Variants in ST6GALNAC5 observed in about 807,000 individuals in gnomAD.
ST6GALNAC5 encodes ST6 N-acetylgalactosaminide alpha-2,6-sialyltransferase 5, also known as alpha-N-acetylgalactosaminide alpha-2,6-sialyltransferase 5.
A neutral mutation model predicts 33.6 loss-of-function variants in ST6GALNAC5; 27 were observed. The ratio of observed to expected loss-of-function variants is 0.80; its 90% CI spans 0.59 to 1.11. The LOEUF is 1.11. ST6GALNAC5 is among the 50% of genes least tolerant of loss of function. The pLI, the probability that ST6GALNAC5 is intolerant of heterozygous loss-of-function variation, is 0.00. For synonymous variants in ST6GALNAC5, 194 were observed against 171.2 expected (o/e 1.13, Z -1.04); for missense variants, 428 against 454.0 (o/e 0.94, Z 0.52).
In ST6GALNAC5 at chr1:76,868,746, A is replaced by T. The variant is rs1434741415; in HGVS notation, c.261+4A>T. ...CCTCGGAGTGGCGGACCACAAGGTG[A>T]CAGCATGCCCGCCAGCCCGCTCGCC... On this transcript the variant is annotated splice_donor_region_variant and intron_variant, in intron 2 of 4. Coordinates refer to ENST00000477717, the MANE Select transcript of ST6GALNAC5 (RefSeq NM_030965.3). This position sits in a 1 kb window ranked among gnomAD's most constrained non-coding sequence, Gnocchi z 4.3. 8.1e-5 allele frequency: 120 copies of T among 1,490,344 alleles called. No individual in the cohort carries two copies. Among genetic ancestry groups the T allele is most frequent in the Non-Finnish European group, 1.0e-4 (114 of 1,123,674 alleles). 92.3% of individuals were successfully genotyped at this position (1,490,344 alleles called of 1,614,324 possible). A position where few individuals can be genotyped will look rare whatever the true frequency, so the allele number is the denominator to read the frequency against.
At chr1:76,920,154 G>C (rs1275165341) in intron 2 of ST6GALNAC5, among the ~76,000 whole-genome samples, 1 of 152,136 alleles carries the variant, frequency 6.6e-6, no homozygotes, top group African/African-American at 2.4e-5. Flanking sequence ...TTCATGTCCA[G>C]GGAAGGAAAG....
intron 2 of ST6GALNAC5, among the ~76,000 whole-genome samples, chr1:76,943,772 G>A (rs942964850): frequency 2.0e-5 from 3 of 151,618 alleles, no homozygotes; most frequent in African/African-American, 7.3e-5. Flanking sequence ...TTTTCCTTAT[G>A]TCTCAATGCA....
At chr1:77,003,463 T>A (rs1417271602) in intron 2 of ST6GALNAC5, among the ~76,000 whole-genome samples, 2 of 150,610 alleles carry the variant, frequency 1.3e-5, no homozygotes, top group Non-Finnish European at 3.0e-5. Context: ...AGTCTGTGTC[T>A]TTTAATTGGA....
intron 2 of ST6GALNAC5, among the ~76,000 whole-genome samples, chr1:77,037,679 G>A (rs990101894): frequency 8.5e-5 from 13 of 152,058 alleles, no homozygotes; most frequent in African/African-American, 2.9e-4. Context: ...ACATATTAAA[G>A]GGGACCCTAG....
intron 2 of ST6GALNAC5, among the ~76,000 whole-genome samples, chr1:76,881,407 A>G (rs1268951010): frequency 6.6e-6 from 1 of 152,232 alleles, no homozygotes; most frequent in East Asian, 1.9e-4. Context: ...ATCTGCAGTG[A>G]AACCTTCCCT....
In ST6GALNAC5 at chr1:76,878,402, AT is replaced by A. The variant is rs1205450382; in HGVS notation, c.261+9662del. Among the ~76,000 whole-genome samples the A allele has an allele frequency of 5.3e-5, 8 of 152,266 alleles. No homozygotes were observed. In the East Asian group the frequency reaches 5.8e-4, roughly 11 times the overall value. On this transcript the variant is annotated intron_variant, in intron 2 of 4. Coordinates refer to ENST00000477717, the MANE Select transcript of ST6GALNAC5 (RefSeq NM_030965.3). Reference sequence around the variant, plus strand: ...TAAGTCAGACCTGAGCTAAAACTCCATTAATTACCTGACCTCCATAAGCCCC... The same window carrying A: ...TAAGTCAGACCTGAGCTAAAACTCCATAATTACCTGACCTCCATAAGCCCC...
intron 2 of ST6GALNAC5, among the ~76,000 whole-genome samples, chr1:76,886,002 AG>A (rs1557709721): frequency 6.6e-6 from 1 of 152,202 alleles, no homozygotes; most frequent in Non-Finnish European, 1.5e-5. Context: ...CTTCATGGGC[AG>A]TGGGGCAGTC....
At position 76,882,436 on chromosome 1, in the gene ST6GALNAC5, C is replaced by A. The variant is rs551221479; in HGVS notation, c.261+13694C>A. Among the ~76,000 whole-genome samples the A allele has an allele frequency of 1.1e-3, 174 of 152,248 alleles. 1 individual carries two copies. Among genetic ancestry groups the A allele is most frequent in the African/African-American group, 4.2e-3 (173 of 41,540 alleles). ...TTCTGCAAATATCATTGACTCCCCC[C>A]AAATTCTGAGATGTAATACTTACTC... On this transcript the variant is annotated intron_variant, in intron 2 of 4. Transcript: ENST00000477717.
Position 76,868,631 on chromosome 1 carries a change from G to T in ST6GALNAC5, c.150G>T (p.Ala50=). The change falls in exon 2 of 5, where the codon GCG becomes GCT. Residue 50 remains alanine (A), a synonymous_variant. Transcript: ENST00000477717. The surrounding 1 kb of genome is among the most constrained non-coding windows in gnomAD (Gnocchi z 4.3). ...QQQQQQQQQQ[A]SATGSSQPAA... The stretch of plus-strand genomic sequence containing the variant: ...AGCAGCAGCAACAGCAGCAGCAGGC[G>T]TCGGCCACCGGCAGCTCGCAGCCGG... 1.2e-6 allele frequency: 2 copies of T among 1,609,420 alleles called. No homozygotes were observed. Among genetic ancestry groups the T allele is most frequent in the South Asian group, 1.1e-5 (1 of 90,806 alleles).
chr1:76,980,172 C>T (rs1480977005), intron 2 of ST6GALNAC5, among the ~76,000 whole-genome samples: 2 of 151,020 alleles, frequency 1.3e-5, no homozygotes, highest in African/African-American at 4.9e-5. Context: ...TCCATAAGTC[C>T]TGCTTTAATA....
At position 76,868,803 on chromosome 1, in the gene ST6GALNAC5, T is replaced by G; in HGVS notation, c.261+61T>G. 1.4e-6 allele frequency: 2 copies of G among 1,433,364 alleles called. No homozygotes were observed. Among genetic ancestry groups the G allele is most frequent in the South Asian group, 3.0e-5 (2 of 66,930 alleles). The allele number at this position is 1,433,364 out of a possible 1,614,324, so 88.8% of individuals were successfully genotyped here. A position where few individuals can be genotyped will look rare whatever the true frequency, so the allele number is the denominator to read the frequency against. Reference sequence around the variant, plus strand: ...CCTGGGGATCCCGCACACCTGAGCCTTCCCCCTTTCCCGGGGCTGGGAGGC... The same window carrying G: ...CCTGGGGATCCCGCACACCTGAGCCGTCCCCCTTTCCCGGGGCTGGGAGGC... On this transcript the variant is annotated intron_variant, in intron 2 of 4. Transcript: ENST00000477717. The surrounding 1 kb of genome is among the most constrained non-coding windows in gnomAD (Gnocchi z 4.3).
intron 2 of ST6GALNAC5, among the ~76,000 whole-genome samples, chr1:77,004,138 G>T (rs1486772007): frequency 1.3e-5 from 2 of 151,630 alleles, no homozygotes; most frequent in African/African-American, 2.4e-5. Flanking sequence ...CCAATCAGAC[G>T]TAGATTTGGT....
intron 2 of ST6GALNAC5, among the ~76,000 whole-genome samples, chr1:77,027,783 G>A (rs774376910): frequency 4.6e-5 from 7 of 152,134 alleles, no homozygotes; most frequent in South Asian, 2.1e-4. Flanking sequence ...CTGATGTGCC[G>A]TCCAAGTGGA....
At chr1:77,052,975 G>T (rs960686482) in intron 4 of ST6GALNAC5, among the ~76,000 whole-genome samples, 2 of 147,352 alleles carry the variant, frequency 1.4e-5, no homozygotes, top group Non-Finnish European at 3.0e-5. Flanking sequence ...ACAGCTTCTT[G>T]CCTCCTGGAG....
At chr1:76,931,837 A>AG (rs1647144358) in intron 2 of ST6GALNAC5, among the ~76,000 whole-genome samples, 1 of 152,150 alleles carries the variant, frequency 6.6e-6, no homozygotes, top group Admixed American at 6.5e-5. Flanking sequence ...AAGAAGGCTA[A>AG]GGACAGAGTC....
intron 2 of ST6GALNAC5, among the ~76,000 whole-genome samples, chr1:76,925,409 T>C (rs895013593): frequency 6.6e-6 from 1 of 152,154 alleles, no homozygotes; most frequent in African/African-American, 2.4e-5. Flanking sequence ...ATCTTGAAGA[T>C]GATAGGGCTG....
intron 2 of ST6GALNAC5, among the ~76,000 whole-genome samples, chr1:76,973,652 G>T (rs1488259434): frequency 1.3e-5 from 2 of 151,906 alleles, no homozygotes; most frequent in Middle Eastern, 3.2e-3. Flanking sequence ...GAATTTTTGT[G>T]TCATTTTTGG....
At chr1:77,001,376 CT>C (rs1157608020) in intron 2 of ST6GALNAC5, among the ~76,000 whole-genome samples, 3 of 124,902 alleles carry the variant, frequency 2.4e-5, no homozygotes, top group African/African-American at 9.0e-5. Flanking sequence ...TGCTTATCAG[CT>C]TAAGGAGATT....
intron 2 of ST6GALNAC5, among the ~76,000 whole-genome samples, chr1:77,020,443 C>G (rs1349257709): frequency 6.6e-6 from 1 of 152,088 alleles, no homozygotes; most frequent in African/African-American, 2.4e-5. Flanking sequence ...CTTTGTCACC[C>G]AGGCTGGAGT....
Sources: allele counts gnomAD v4.1 joint callset (sites outside exome capture counted in the v4.1 genomes callset), GRCh38; gene constraint gnomAD v4.1.1; non-coding constraint Gnocchi (gnomAD v3.1); transcripts MANE v1.5; gene names NCBI Gene and HGNC (gene_info 2026-07-23, HGNC 2026-07-21).